ADAMTS20: variants seen among roughly 807,000 people sequenced by gnomAD.
ADAMTS20 encodes the protein ADAM metallopeptidase with thrombospondin type 1 motif 20.
In ADAMTS20, 225 loss-of-function variants were observed where a neutral mutation model predicts 260.1. The observed-to-expected ratio is 0.87, with a 90% CI of 0.78 to 0.97. The LOEUF is 0.97. Among genes scored for constraint, ADAMTS20 ranks in the 50% least tolerant of loss-of-function variants. The pLI, the probability that ADAMTS20 is intolerant of heterozygous loss-of-function variation, is 0.00. For synonymous variants in ADAMTS20, 802 were observed against 769.5 expected, an observed-to-expected ratio of 1.04 and a Z score of -0.70; for missense variants, 2,400 against 2,337.7, an observed-to-expected ratio of 1.03 and a Z score of -0.55.
intron 31 of ADAMTS20, among the ~76,000 whole-genome samples, chr12:43,377,955 T>C (rs1940267113): frequency 6.6e-6 from 1 of 152,172 alleles, no homozygotes; most frequent in Non-Finnish European, 1.5e-5. Context: ...TAACTATGTA[T>C]AAGTTAGCAC....
intron 28 of ADAMTS20, among the ~76,000 whole-genome samples, chr12:43,406,412 TTAAA>T (rs1471142851): frequency 2.0e-4 from 31 of 152,270 alleles, no homozygotes; most frequent in African/African-American, 7.2e-4. Flanking sequence ...AAATAATTCT[TTAAA>T]TGATGTTTGA....
chr12:43,432,329 C>G lies in ADAMTS20; in HGVS notation c.3071G>C (p.Ser1024Thr). The G allele has an allele frequency of 6.2e-7, 1 of 1,613,930 alleles. No homozygotes were observed. The highest frequency in any genetic ancestry group is 2.2e-5 in the East Asian group (1 of 44,890). The change falls in exon 21 of 39, where the codon AGT becomes ACT. Residue 1024 changes from serine to threonine, a missense_variant. Ser to Thr is a moderately conservative substitution (Grantham distance 58). Transcript: ENST00000389420. ...RENCNEFSCP[S>T]WAASEWSECL... ...CTCGCTCCATTCACTAGCAGCCCAA[C>G]TGGGACAGGAAAATTCATTGCAATT...
chr12:43,426,494 T>C (rs1484420383), intron 27 of ADAMTS20, among the ~76,000 whole-genome samples: 1 of 152,194 alleles, frequency 6.6e-6, no homozygotes, highest in Non-Finnish European at 1.5e-5. Context: ...ATTCATTTTA[T>C]TTATCCAAAG....
intron 7 of ADAMTS20, among the ~76,000 whole-genome samples, chr12:43,471,127 A>G (rs1319183128): frequency 2.0e-5 from 3 of 152,060 alleles, no homozygotes; most frequent in African/African-American, 4.8e-5. Flanking sequence ...CAGTGGGTGC[A>G]CGCACCGTGC....
intron 27 of ADAMTS20, among the ~76,000 whole-genome samples, chr12:43,426,441 A>G (rs2137297450): frequency 6.6e-6 from 1 of 152,110 alleles, no homozygotes. Flanking sequence ...ATGAACAGAA[A>G]TTATGTGCTA....
At chr12:43,542,336 T>C (rs1356816837) in intron 2 of ADAMTS20, among the ~76,000 whole-genome samples, 1 of 152,228 alleles carries the variant, frequency 6.6e-6, no homozygotes, top group East Asian at 1.9e-4. Context: ...CAAAATATTC[T>C]GAAGCAATAT....
chr12:43,487,786 G>T (rs1462943260), intron 7 of ADAMTS20, among the ~76,000 whole-genome samples: 3 of 152,156 alleles, frequency 2.0e-5, no homozygotes, highest in East Asian at 3.9e-4. Flanking sequence ...AAGAAAAGAA[G>T]CTGGTGGTAT....
chr12:43,532,366 T>C (rs949671026), intron 2 of ADAMTS20, among the ~76,000 whole-genome samples, 171 bp from the exon 3 acceptor site: 1 of 152,074 alleles, frequency 6.6e-6, no homozygotes, highest in African/African-American at 2.4e-5. Flanking sequence ...CTTTTCTCTC[T>C]CCACTCCTAT....
chr12:43,511,377 C>T (rs569588389), intron 3 of ADAMTS20, among the ~76,000 whole-genome samples: 6 of 152,132 alleles, frequency 3.9e-5, no homozygotes, highest in African/African-American at 1.2e-4. Flanking sequence ...TCCCTACTAG[C>T]CCACCCCTAA....
At chr12:43,480,606 T>C (rs1158273507) in intron 7 of ADAMTS20, among the ~76,000 whole-genome samples, 2 of 152,160 alleles carry the variant, frequency 1.3e-5, no homozygotes, top group African/African-American at 4.8e-5. Flanking sequence ...ATATACATAA[T>C]GGAACACAAT....
chr12:43,389,741 A>G (rs1940558750), intron 29 of ADAMTS20, among the ~76,000 whole-genome samples: 1 of 152,010 alleles, frequency 6.6e-6, no homozygotes, highest in Admixed American at 6.6e-5. Context: ...TAGAACAAGG[A>G]TGGACTTTCC....
intron 7 of ADAMTS20, among the ~76,000 whole-genome samples, chr12:43,489,036 T>G (rs1007505565): frequency 1.3e-5 from 2 of 152,042 alleles, no homozygotes; most frequent in African/African-American, 2.4e-5. Context: ...TTAATAATAT[T>G]CCTTTTTTTC....
chr12:43,403,203 A>C (rs1940846851), intron 28 of ADAMTS20, among the ~76,000 whole-genome samples: 1 of 152,148 alleles, frequency 6.6e-6, no homozygotes, highest in Non-Finnish European at 1.5e-5. Context: ...TTATAGAATA[A>C]GATTACTTCT....
chr12:43,406,568 G>A (rs1439063876), intron 28 of ADAMTS20, among the ~76,000 whole-genome samples: 2 of 152,000 alleles, frequency 1.3e-5, no homozygotes, highest in Non-Finnish European at 2.9e-5. Flanking sequence ...ACACTATCAT[G>A]TGTATGCATC....
chr12:43,499,072 G>T (rs1012685259), intron 4 of ADAMTS20, among the ~76,000 whole-genome samples: 3 of 152,096 alleles, frequency 2.0e-5, no homozygotes, highest in African/African-American at 7.2e-5. Context: ...CTGAAATTGG[G>T]CTTCTTAGGA....
intron 2 of ADAMTS20, among the ~76,000 whole-genome samples, chr12:43,543,121 G>T (rs1467004442): frequency 6.6e-6 from 1 of 151,968 alleles, no homozygotes; most frequent in African/African-American, 2.4e-5. Flanking sequence ...TCAACATAGG[G>T]GAACACCATC....
chr12:43,375,126 C>A (rs1053370100), intron 36 of ADAMTS20, among the ~76,000 whole-genome samples: 1 of 126,194 alleles, frequency 7.9e-6, no homozygotes, highest in Admixed American at 1.0e-4. Flanking sequence ...AAGCCAAGAT[C>A]ATGCCATTGC....
At chr12:43,523,193 T>A (rs552352088) in intron 3 of ADAMTS20, among the ~76,000 whole-genome samples, 2 of 152,202 alleles carry the variant, frequency 1.3e-5, no homozygotes, top group African/African-American at 4.8e-5. Context: ...GGAATCCAGG[T>A]CACAGGGCAA....
chr12:43,452,595 G>GCC lies in ADAMTS20; in HGVS notation c.1860_1861insGG (p.Gln621GlyfsTer20). 1 of 1,613,404 alleles carries GCC rather than the reference G, an allele frequency of 6.2e-7. No homozygotes were observed. The highest frequency in any genetic ancestry group is 1.3e-5 in the African/African-American group (1 of 75,022). ...TGTTTACCATTAAAATCAGAGCACT[G>GCC]CTTCTCTCGAAAGTCTTGTGTGCCT... On this transcript the variant is annotated frameshift_variant, in exon 13 of 39. Transcript: ENST00000389420. LOFTEE classifies it high-confidence loss of function.
Sources: allele counts gnomAD v4.1 joint callset (sites outside exome capture counted in the v4.1 genomes callset), GRCh38; gene constraint gnomAD v4.1.1; transcripts MANE v1.5; gene names NCBI Gene and HGNC (gene_info 2026-07-23, HGNC 2026-07-21).